TPRG1: variants seen among roughly 807,000 people sequenced by gnomAD.
TPRG1 encodes tumor protein p63-regulated gene 1 protein.
A neutral mutation model predicts 29.3 loss-of-function variants in TPRG1; 29 were observed. The observed-to-expected ratio is 0.99, with a 90% CI of 0.74 to 1.35. The LOEUF is 1.35. Among genes scored for constraint, TPRG1 ranks in the 40% most tolerant of loss-of-function variants. The pLI, the probability that TPRG1 is intolerant of heterozygous loss-of-function variation, is 0.00. For missense variants in TPRG1, 327 were observed against 335.0 expected (o/e 0.98, Z 0.19); for synonymous variants, 130 against 116.8 (o/e 1.11, Z -0.73).
chr3:189,060,019 G>A (rs1368928026), intron 4 of TPRG1, among the ~76,000 whole-genome samples: 1 of 152,188 alleles, frequency 6.6e-6, no homozygotes, highest in African/African-American at 2.4e-5. Flanking sequence ...GATCACCTGA[G>A]GTCTGGAGTT....
chr3:189,176,051 A>G (rs1017628667), intron 1 of TPRG1, among the ~76,000 whole-genome samples: 2 of 152,248 alleles, frequency 1.3e-5, no homozygotes, highest in African/African-American at 4.8e-5. Context: ...TGTGTTTCAC[A>G]GCATTCCAGG....
At chr3:189,077,840 A>G (rs1249344527) in intron 4 of TPRG1, among the ~76,000 whole-genome samples, 3 of 152,144 alleles carry the variant, frequency 2.0e-5, no homozygotes, top group African/African-American at 7.2e-5. Flanking sequence ...TTGCACTGTT[A>G]GCTTTGCATT....
chr3:189,232,622 C>A (rs1049029693), intron 3 of TPRG1, among the ~76,000 whole-genome samples: 2 of 152,118 alleles, frequency 1.3e-5, no homozygotes, highest in African/African-American at 4.8e-5. Context: ...GTAATTAGTA[C>A]AGAGCCTGGT....
At chr3:189,162,364 T>C (rs1727603595) in intron 5 of TPRG1, among the ~76,000 whole-genome samples, 1 of 152,182 alleles carries the variant, frequency 6.6e-6, no homozygotes, top group Admixed American at 6.5e-5. Flanking sequence ...GCTGACAGTT[T>C]AGTTTGGCTG....
intron 4 of TPRG1, among the ~76,000 whole-genome samples, chr3:189,030,173 C>T (rs964301826): frequency 2.6e-5 from 4 of 152,012 alleles, no homozygotes; most frequent in African/African-American, 4.8e-5. Context: ...TTGAGTCTTG[C>T]GTTTCATTTT....
intron 2 of TPRG1, among the ~76,000 whole-genome samples, chr3:189,212,771 A>G (rs1001881501): frequency 1.3e-5 from 2 of 152,206 alleles, no homozygotes; most frequent in Non-Finnish European, 2.9e-5. Context: ...CTGCAGAGAC[A>G]TTCTTTTCTA....
At chr3:189,154,623 A>G (rs1578569088) in intron 5 of TPRG1, among the ~76,000 whole-genome samples, 2 of 152,022 alleles carry the variant, frequency 1.3e-5, no homozygotes, top group African/African-American at 4.8e-5. Flanking sequence ...TTGTATTTTT[A>G]GTAGAGATGG....
chr3:189,271,180 C>T (rs1281896127), intron 4 of TPRG1, among the ~76,000 whole-genome samples: 1 of 152,104 alleles, frequency 6.6e-6, no homozygotes, highest in African/African-American at 2.4e-5. Context: ...TGAGGTAGGG[C>T]GTTTTCTACT....
At chr3:189,109,632 T>C (rs912204016) in intron 1 of TPRG1, among the ~76,000 whole-genome samples, 2 of 152,032 alleles carry the variant, frequency 1.3e-5, no homozygotes, top group African/African-American at 4.8e-5. Context: ...TTAAGTGTGT[T>C]TACTGAGAGG....
At chr3:189,226,477 GAAA>G (rs147508872) in intron 3 of TPRG1, among the ~76,000 whole-genome samples, 4,206 of 152,124 alleles carry the variant, frequency 0.028, 58 homozygotes, top group South Asian at 0.045. Flanking sequence ...ACTGAATGAA[GAAA>G]AAATACAACT....
upstream of TPRG1, among the ~76,000 whole-genome samples, chr3:189,097,019 TAC>T (rs1373777880): frequency 6.6e-6 from 1 of 152,210 alleles, no homozygotes; most frequent in East Asian, 1.9e-4. Context: ...TATTAAAATT[TAC>T]TAGTGCATCT....
chr3:189,123,181 T>C (rs1722034975), intron 1 of TPRG1, among the ~76,000 whole-genome samples: 2 of 152,344 alleles, frequency 1.3e-5, no homozygotes, highest in South Asian at 4.1e-4. Flanking sequence ...GAATTTATCC[T>C]GTAAAGCATG....
At chr3:189,291,103 A>C (rs1718935643) in intron 4 of TPRG1, among the ~76,000 whole-genome samples, 3 of 151,924 alleles carry the variant, frequency 2.0e-5, no homozygotes, top group Admixed American at 1.3e-4. Flanking sequence ...GGGTTTCACC[A>C]TGTTAGCCAG....
chr3:189,057,319 T>C (rs1715765115), intron 4 of TPRG1, among the ~76,000 whole-genome samples: 1 of 152,010 alleles, frequency 6.6e-6, no homozygotes, highest in African/African-American at 2.4e-5. Context: ...ATCACTAAAG[T>C]AGAAAATATT....
intron 4 of TPRG1, among the ~76,000 whole-genome samples, chr3:189,258,902 C>T (rs998362662): frequency 3.3e-5 from 5 of 152,314 alleles, no homozygotes; most frequent in East Asian, 3.9e-4. Flanking sequence ...GTGTTGGCAG[C>T]GAGAATTTCA....
At chr3:189,124,069 T>A (rs1722145504) in intron 1 of TPRG1, among the ~76,000 whole-genome samples, 1 of 152,192 alleles carries the variant, frequency 6.6e-6, no homozygotes, top group South Asian at 2.1e-4. Context: ...TCAGGTAATA[T>A]TTTAAGAATA....
In TPRG1 at chr3:189,193,930, G is replaced by A. The variant is rs113497960; in HGVS notation, c.-9-13446G>A. On this transcript the variant is annotated intron_variant, in intron 1 of 5. Transcript: ENST00000345063. ...ATTTATTTGTCTATTTATTGAGGTC[G>A]GCTACTAGATAATTATTATAATTTG... Among the ~76,000 whole-genome samples, 52 of 144,022 alleles carry A rather than the reference G, an allele frequency of 3.6e-4. 1 individual carries two copies. The highest frequency in any genetic ancestry group is 1.3e-3 in the African/African-American group (48 of 38,196). 94.5% of individuals were successfully genotyped at this position (144,022 alleles called of 152,430 possible). A position where few individuals can be genotyped will look rare whatever the true frequency, so the allele number is the denominator to read the frequency against.
At chr3:189,310,341 TG>T in intron 4 of TPRG1, 44 bp from the exon 5 acceptor site, 2 of 1,495,778 alleles carry the variant, frequency 1.3e-6, no homozygotes, top group African/African-American at 1.4e-5. Context: ...TTTTTTTTTT[TG>T]GAAATGGAAA....
chr3:189,243,647 T>C lies in TPRG1; in HGVS notation c.479+4738T>C, dbSNP rs545733056. Among the ~76,000 whole-genome samples the C allele has an allele frequency of 3.3e-5, 5 of 152,312 alleles. No homozygotes were observed. The South Asian group carries it at 8.3e-4, about 25-fold the overall frequency. On this transcript the variant is annotated intron_variant, in intron 4 of 5. Coordinates refer to ENST00000345063, the MANE Select transcript of TPRG1 (RefSeq NM_198485.4). ...ACTTTAAGTCATTTCTTTGCTCATA[T>C]GTATGAGTATAGGTTCTTAGAAGCA...
Sources: gnomAD v4.1 joint callset for allele counts (sites outside exome capture counted in the v4.1 genomes callset) on GRCh38, gnomAD v4.1.1 for gene constraint, MANE v1.5 for transcripts, NCBI Gene and HGNC (gene_info 2026-07-23, HGNC 2026-07-21) for gene names.